ARHGAP8: variants seen among roughly 807,000 people sequenced by gnomAD.
ARHGAP8 encodes Rho GTPase activating protein 8, also known as rho GTPase-activating protein 8.
Under a neutral mutation model 46.1 loss-of-function variants are expected in ARHGAP8, and 62 were observed. That is an observed-to-expected ratio of 1.34 (90% CI 1.10 to 1.66). The LOEUF (loss-of-function observed/expected upper bound fraction) is 1.66. Among genes scored for constraint, ARHGAP8 ranks in the 40% most tolerant of loss-of-function variants. The pLI is 0.00. For synonymous variants in ARHGAP8, 375 were observed against 243.1 expected, an observed-to-expected ratio of 1.54 and a Z score of -5.05; for missense variants, 923 against 568.4, an observed-to-expected ratio of 1.62 and a Z score of -6.34.
chr22:44,847,639 G>C (rs112643464), intron 8 of ARHGAP8, among the ~76,000 whole-genome samples: 1,931 of 152,316 alleles, frequency 0.013, 40 homozygotes, highest in African/African-American at 0.044. Flanking sequence ...GCAGCCCTTG[G>C]AGACAGGAGC....
chr22:44,861,848 C>G (rs771684994), intron 11 of ARHGAP8, among the ~76,000 whole-genome samples: 1 of 152,180 alleles, frequency 6.6e-6, no homozygotes, highest in Non-Finnish European at 1.5e-5. Flanking sequence ...GCTCTTTCCA[C>G]TCTCCCTGCC....
At chr22:44,779,921 C>T (rs1043655884) in intron 1 of ARHGAP8, among the ~76,000 whole-genome samples, 6 of 152,090 alleles carry the variant, frequency 3.9e-5, no homozygotes, top group African/African-American at 1.4e-4. Context: ...GGCATTTCCT[C>T]AAACCCTGCG....
intron 5 of ARHGAP8, among the ~76,000 whole-genome samples, chr22:44,821,188 T>G (rs1930106653): frequency 6.6e-6 from 1 of 152,046 alleles, no homozygotes; most frequent in Non-Finnish European, 1.5e-5. Flanking sequence ...TCCCAGCACT[T>G]TGGGAGGCCA....
chr22:44,845,422 G>A, intron 8 of ARHGAP8, 80 bp downstream of exon 8: 1 of 1,587,626 alleles, frequency 6.3e-7, no homozygotes, highest in Non-Finnish European at 8.6e-7. Flanking sequence ...TGGATCCTGA[G>A]CACCCACAAG....
intron 7 of ARHGAP8, among the ~76,000 whole-genome samples, chr22:44,828,871 T>C (rs1177337445): frequency 6.6e-6 from 1 of 152,036 alleles, no homozygotes; most frequent in East Asian, 1.9e-4. Context: ...GCACACAGGG[T>C]CCCAGGGGTG....
chr22:44,813,107 G>A (rs1024789210), intron 4 of ARHGAP8, among the ~76,000 whole-genome samples: 3 of 152,052 alleles, frequency 2.0e-5, no homozygotes, highest in Non-Finnish European at 4.4e-5. Context: ...GAGCACAGTC[G>A]CCCTGGCTCC....
At chr22:44,854,887 C>A (rs943050086) in intron 10 of ARHGAP8, among the ~76,000 whole-genome samples, 1 of 152,212 alleles carries the variant, frequency 6.6e-6, no homozygotes, top group South Asian at 2.1e-4. Flanking sequence ...CTCAGGTGAT[C>A]TGCCCGCCTT....
At chr22:44,816,576 G>A (rs933901716) in intron 5 of ARHGAP8, among the ~76,000 whole-genome samples, 1 of 152,146 alleles carries the variant, frequency 6.6e-6, no homozygotes, top group Non-Finnish European at 1.5e-5. Context: ...ACTTTGGGAG[G>A]CCAAGGCAGG....
chr22:44,819,996 C>T (rs1488724476), intron 5 of ARHGAP8, among the ~76,000 whole-genome samples: 5 of 152,202 alleles, frequency 3.3e-5, no homozygotes, highest in Non-Finnish European at 7.3e-5. Context: ...CAGCCCATTG[C>T]CTGTGAGATC....
intron 1 of ARHGAP8, among the ~76,000 whole-genome samples, chr22:44,755,043 G>A (rs987640802): frequency 6.6e-6 from 1 of 152,204 alleles, no homozygotes; most frequent in African/African-American, 2.4e-5. Context: ...TCCCCACTGC[G>A]ATGGTGGTCA....
intron 10 of ARHGAP8, chr22:44,849,729 G>C (rs1283830306): frequency 6.6e-6 from 1 of 152,248 alleles, no homozygotes; most frequent in Non-Finnish European, 1.5e-5. Context: ...ACTAACAGTC[G>C]AAGGGGGGAG....
chr22:44,814,806 C>T (rs756296277), intron 5 of ARHGAP8, 48 bp downstream of exon 5: 4 of 1,599,654 alleles, frequency 2.5e-6, no homozygotes, highest in Admixed American at 1.7e-5. Flanking sequence ...GAGGTTTCAC[C>T]CCTCAGGGTC....
chr22:44,758,695 G>A (rs1477278003), intron 1 of ARHGAP8, among the ~76,000 whole-genome samples: 4 of 152,122 alleles, frequency 2.6e-5, no homozygotes, highest in African/African-American at 7.2e-5. Flanking sequence ...CCGGGAGGCC[G>A]GTGTGCCAGG....
chr22:44,829,659 G>C (rs1930800494), intron 7 of ARHGAP8, among the ~76,000 whole-genome samples: 2 of 152,168 alleles, frequency 1.3e-5, no homozygotes, highest in Admixed American at 6.5e-5. Flanking sequence ...CATTGCCAAT[G>C]ATTATAATAA....
chr22:44,809,279 T>C (rs1036011559), intron 4 of ARHGAP8: 1 of 355,688 alleles, frequency 2.8e-6, no homozygotes, highest in Non-Finnish European at 5.9e-6. Context: ...TATTCTTCTG[T>C]TTTTTTTTTT....
At chr22:44,773,915 A>G (rs551864171) in intron 1 of ARHGAP8, among the ~76,000 whole-genome samples, 2 of 152,322 alleles carry the variant, frequency 1.3e-5, no homozygotes, top group African/African-American at 4.8e-5. Flanking sequence ...CATTTATACT[A>G]TAGTGATGAT....
In ARHGAP8 at chr22:44,859,960, C is replaced by T. The variant is rs527900055; in HGVS notation, c.981+126C>T. On this transcript the variant is annotated intron_variant, in intron 11 of 11. Transcript: ENST00000356099. ...ATGCCCTGCTTGGGCCTCGGAATACCACTCCCTGCCCCCCAAGGACCTCAT... is the reference window on the plus strand; with the variant it reads ...ATGCCCTGCTTGGGCCTCGGAATACTACTCCCTGCCCCCCAAGGACCTCAT... The T allele has an allele frequency of 6.8e-4, 755 of 1,117,844 alleles. 3 individuals carry two copies. In the African/African-American group the frequency reaches 7.3e-3, roughly 11 times the overall value. The allele number at this position is 1,117,844 out of a possible 1,614,324, so 69.2% of individuals were successfully genotyped here.
chr22:44,817,579 G>A (rs1929840154), intron 5 of ARHGAP8, among the ~76,000 whole-genome samples: 1 of 152,154 alleles, frequency 6.6e-6, no homozygotes, highest in African/African-American at 2.4e-5. Flanking sequence ...TGAGGCTAGC[G>A]GATCACCTGA....
At chr22:44,772,153 GT>G (rs1048390428) in intron 1 of ARHGAP8, among the ~76,000 whole-genome samples, 3 of 125,192 alleles carry the variant, frequency 2.4e-5, no homozygotes, top group East Asian at 2.6e-4. Flanking sequence ...TTCTGTATCT[GT>G]TTTTTTCCTC....
Sources: gnomAD v4.1 joint callset for allele counts (sites outside exome capture counted in the v4.1 genomes callset) on GRCh38, gnomAD v4.1.1 for gene constraint, MANE v1.5 for transcripts, NCBI Gene and HGNC (gene_info 2026-07-23, HGNC 2026-07-21) for gene names.